CLCA1: variants seen among roughly 807,000 people sequenced by gnomAD.
The protein encoded by CLCA1 is calcium-activated chloride channel regulator 1.
Under a neutral mutation model 85.6 loss-of-function variants are expected in CLCA1, and 59 were observed. The observed-to-expected ratio is 0.69, with a 90% CI of 0.56 to 0.86. CLCA1 has a LOEUF of 0.86. CLCA1 is among the 40% of genes least tolerant of loss of function. The pLI, the probability that CLCA1 is intolerant of heterozygous loss-of-function variation, is 0.00. For synonymous variants in CLCA1, 396 were observed against 398.3 expected (o/e 0.99, Z 0.07); for missense variants, 1,022 against 1,101.4 (o/e 0.93, Z 1.02).
At position 86,473,519 on chromosome 1, in the gene CLCA1, GCTGA is replaced by G. The variant is rs1359807039; in HGVS notation, c.268_271del (p.Asp90MetfsTer2). 4.3e-6 allele frequency: 7 copies of G among 1,611,996 alleles called. No homozygotes were observed. In the Admixed American group the frequency reaches 1.2e-4, roughly 27 times the overall value. ...GATTCCTGAAACATGGAAGACAAAG[GCTGA>G]CTATGTGAGACCAAAACTTGAGACC... On this transcript the variant is annotated frameshift_variant, in exon 2 of 14. Transcript: ENST00000394711. LOFTEE classifies it high-confidence loss of function.
intron 13 of CLCA1, among the ~76,000 whole-genome samples, chr1:86,499,037 C>T (rs958656542): frequency 6.6e-6 from 1 of 152,188 alleles, no homozygotes; most frequent in Admixed American, 6.5e-5. Flanking sequence ...AAGGGTAAAC[C>T]TCACTTTGTT....
chr1:86,476,782 CTTT>C (rs34132913), intron 4 of CLCA1, among the ~76,000 whole-genome samples: 1 of 151,010 alleles, frequency 6.6e-6, no homozygotes, highest in Non-Finnish European at 1.5e-5. Context: ...CTCCTTTTTT[CTTT>C]TTTTTTAACT....
chr1:86,493,650 GT>G, intron 10 of CLCA1, 51 bp downstream of exon 10: 1 of 1,358,820 alleles, frequency 7.4e-7, no homozygotes, highest in Non-Finnish European at 1.0e-6. Context: ...ATAAAATAAA[GT>G]TTTTACAGAA....
chr1:86,497,209 G>A (rs932552969), intron 12 of CLCA1, among the ~76,000 whole-genome samples: 2 of 152,224 alleles, frequency 1.3e-5, no homozygotes, highest in Non-Finnish European at 2.9e-5. Flanking sequence ...TAGTGTTAGT[G>A]CCTGGCATAA....
rs376922920 is a variant in CLCA1 at position 86,474,418 on chromosome 1, G to T, written c.451+542G>T. ...AAATACAAAAAATTAGCCGGGCGTGGTGGCGGACGCCTGTAGTCCCAGCTA... is the reference window on the plus strand; with the variant it reads ...AAATACAAAAAATTAGCCGGGCGTGTTGGCGGACGCCTGTAGTCCCAGCTA... On this transcript the variant is annotated intron_variant, in intron 3 of 13. Coordinates refer to ENST00000394711, the MANE Select transcript of CLCA1 (RefSeq NM_001285.4). 3.3e-5 allele frequency among the ~76,000 whole-genome samples: 5 copies of T among 152,268 alleles called. No homozygotes were observed. The East Asian group carries it at 9.6e-4, about 29-fold the overall frequency.
chr1:86,499,432 T>G (rs549586475), intron 13 of CLCA1, among the ~76,000 whole-genome samples: 1 of 152,322 alleles, frequency 6.6e-6, no homozygotes, highest in South Asian at 2.1e-4. Flanking sequence ...CCAATCCAGT[T>G]TTACGCTTAT....
chr1:86,474,318 G>T (rs989308770), intron 3 of CLCA1, among the ~76,000 whole-genome samples: 1 of 152,196 alleles, frequency 6.6e-6, no homozygotes, highest in Non-Finnish European at 1.5e-5. Context: ...CCTTTAGGAG[G>T]CCGAGGCGGG....
chr1:86,469,663 T>A (rs2753347), intron 1 of CLCA1, among the ~76,000 whole-genome samples: 2 of 152,198 alleles, frequency 1.3e-5, no homozygotes, highest in African/African-American at 4.8e-5. Context: ...TTCAGAGATT[T>A]CTTGCTACCT....
intron 7 of CLCA1, among the ~76,000 whole-genome samples, chr1:86,487,527 G>T (rs1283560904): frequency 6.6e-6 from 1 of 152,174 alleles, no homozygotes; most frequent in Admixed American, 6.5e-5. Context: ...TGAGGCAAAG[G>T]ACCTTGGATC....
chr1:86,483,639 A>C (rs1570283955), intron 5 of CLCA1, among the ~76,000 whole-genome samples: 1 of 152,202 alleles, frequency 6.6e-6, no homozygotes, highest in Non-Finnish European at 1.5e-5. Context: ...TAGTGCATAT[A>C]TTCTCATTTA....
chr1:86,493,329 G>C, intron 9 of CLCA1, 55 bp from the exon 10 acceptor site: 2 of 1,400,908 alleles, frequency 1.4e-6, no homozygotes, highest in Non-Finnish European at 2.0e-6. Context: ...GAAGGGAAAA[G>C]ATCATGTGAT....
At chr1:86,472,967 G>T (rs1647543498) in intron 1 of CLCA1, among the ~76,000 whole-genome samples, 1 of 152,148 alleles carries the variant, frequency 6.6e-6, no homozygotes, top group African/African-American at 2.4e-5. Context: ...TCAAAGATTT[G>T]TGGATTCTCA....
At chr1:86,497,007 C>T (rs1178011707) in intron 12 of CLCA1, among the ~76,000 whole-genome samples, 5 of 152,196 alleles carry the variant, frequency 3.3e-5, no homozygotes, top group African/African-American at 7.2e-5. Flanking sequence ...GGATTACAGG[C>T]GTAAGCCACC....
chr1:86,473,334 T>C (rs927290467), intron 1 of CLCA1, 83 bp from the exon 2 acceptor site: 3 of 1,026,024 alleles, frequency 2.9e-6, no homozygotes, highest in Non-Finnish European at 4.2e-6. Flanking sequence ...TTTGAAAATG[T>C]GAAATCCAGA....
chr1:86,476,411 C>A, intron 3 of CLCA1, 37 bp from the exon 4 acceptor site: 3 of 1,052,498 alleles, frequency 2.9e-6, no homozygotes, highest in Non-Finnish European at 4.4e-6. Flanking sequence ...TTTTGCCATT[C>A]TTATTGTAAT....
In CLCA1 at chr1:86,494,171, C is replaced by T; in HGVS notation, c.1681-16C>T. The T allele has an allele frequency of 1.2e-6, 2 of 1,613,440 alleles. No homozygotes were observed. Among genetic ancestry groups the T allele is most frequent in the Non-Finnish European group, 8.5e-7 (1 of 1,179,420 alleles). On this transcript the variant is annotated splice_polypyrimidine_tract_variant and intron_variant, in intron 10 of 13. Coordinates refer to ENST00000394711, the MANE Select transcript of CLCA1 (RefSeq NM_001285.4). ...TGAAGTTATTCATTGGAAATGTTTA[C>T]ATGTGTTTTGGTCAGGTTGGCACTT...
chr1:86,486,240 C>T (rs189590846), intron 6 of CLCA1, among the ~76,000 whole-genome samples: 1 of 152,294 alleles, frequency 6.6e-6, no homozygotes, highest in East Asian at 1.9e-4. Context: ...AGAGCCAAAC[C>T]GTATCACCTG....
intron 7 of CLCA1, 63 bp from the exon 8 acceptor site, chr1:86,488,933 A>C: frequency 7.1e-7 from 1 of 1,415,202 alleles, no homozygotes; most frequent in Non-Finnish European, 9.7e-7. Context: ...CTGTAAGCAG[A>C]ATTTTCATAA....
At chr1:86,481,058 G>T (rs1232069325) in intron 4 of CLCA1, among the ~76,000 whole-genome samples, 1 of 152,102 alleles carries the variant, frequency 6.6e-6, no homozygotes, top group Non-Finnish European at 1.5e-5. Context: ...ATTGGGAGGG[G>T]AAACTAAGTT....
Sources: gnomAD v4.1 joint callset for allele counts (sites outside exome capture counted in the v4.1 genomes callset) on GRCh38, gnomAD v4.1.1 for gene constraint, MANE v1.5 for transcripts, NCBI Gene and HGNC (gene_info 2026-07-23, HGNC 2026-07-21) for gene names.